Variants in CPE observed in about 807,000 individuals in gnomAD.
The protein encoded by CPE is carboxypeptidase E.
A neutral mutation model predicts 53.5 loss-of-function variants in CPE; 17 were observed. That is an observed-to-expected ratio of 0.32 (90% confidence interval 0.22 to 0.48). The LOEUF (loss-of-function observed/expected upper bound fraction) is 0.48. CPE is among the 20% of genes least tolerant of loss of function. CPE has a pLI of 0.99. For missense variants in CPE, 524 were observed against 614.7 expected, an observed-to-expected ratio of 0.85 and a Z score of 1.56; for synonymous variants, 226 against 228.8, an observed-to-expected ratio of 0.99 and a Z score of 0.11.
chr4:165,442,477 G>A (rs1301788464), intron 1 of CPE, among the ~76,000 whole-genome samples: 1 of 152,008 alleles, frequency 6.6e-6, no homozygotes. Context: ...CAACATACAG[G>A]AAGTTCATAC....
At chr4:165,414,475 G>A (rs919109402) in intron 1 of CPE, among the ~76,000 whole-genome samples, 1 of 152,148 alleles carries the variant, frequency 6.6e-6, no homozygotes, top group East Asian at 1.9e-4. Context: ...AGTTTCGAAT[G>A]TAAGAAAAAG....
At chr4:165,396,632 C>T (rs1403456663) in intron 1 of CPE, among the ~76,000 whole-genome samples, 1 of 149,462 alleles carries the variant, frequency 6.7e-6, no homozygotes, top group Non-Finnish European at 1.5e-5. Flanking sequence ...GATTGTGCCA[C>T]TGCACTCCAG....
At position 165,413,753 on chromosome 4, in the gene CPE, G is replaced by A. The variant is rs113553369; in HGVS notation, c.307+34225G>A. ...AGGGGACAACCAACACAGCTCAAGA[G>A]GTCACAGAAGATGTCATGTAAGCCT... On this transcript the variant is annotated intron_variant, in intron 1 of 8. Coordinates refer to ENST00000402744, the MANE Select transcript of CPE (RefSeq NM_001873.4). Among the ~76,000 whole-genome samples, 778 of 152,298 alleles carry A rather than the reference G, an allele frequency of 5.1e-3. 11 individuals are homozygous for A. The highest frequency in any genetic ancestry group is 0.018 in the African/African-American group (743 of 41,560).
In CPE at chr4:165,430,858, A is replaced by G. The variant is rs185697593; in HGVS notation, c.308-33532A>G. On this transcript the variant is annotated intron_variant, in intron 1 of 8. Transcript: ENST00000402744. ...AAGAATGCTGGCACAGTCCAGAGGA[A>G]ATGAATGATGGAATGGGACTCTGGA... Among the ~76,000 whole-genome samples the G allele has an allele frequency of 6.3e-4, 96 of 152,328 alleles. 1 individual carries two copies. The highest frequency in any genetic ancestry group is 7.7e-4 in the East Asian group (4 of 5,176).
At chr4:165,391,839 T>C (rs1289628262) in intron 1 of CPE, among the ~76,000 whole-genome samples, 1 of 152,032 alleles carries the variant, frequency 6.6e-6, no homozygotes, top group Non-Finnish European at 1.5e-5. Context: ...CAGGGAGTTA[T>C]AAGAGAGTGG....
intron 1 of CPE, among the ~76,000 whole-genome samples, chr4:165,442,203 C>T (rs1391436846): frequency 6.6e-6 from 1 of 151,772 alleles, no homozygotes; most frequent in Non-Finnish European, 1.5e-5. Flanking sequence ...CTACCATGCC[C>T]AGCTAATTTT....
intron 1 of CPE, among the ~76,000 whole-genome samples, chr4:165,455,308 T>C (rs1731882100): frequency 6.6e-6 from 1 of 152,198 alleles, no homozygotes; most frequent in Admixed American, 6.5e-5. Context: ...CTTAGACAAA[T>C]TTATCTTTCC....
intron 1 of CPE, among the ~76,000 whole-genome samples, chr4:165,407,297 G>A (rs544851585): frequency 1.5e-4 from 23 of 152,234 alleles, no homozygotes; most frequent in African/African-American, 4.8e-4. Flanking sequence ...GGTGTGAAGT[G>A]ATATTTTGAT....
chr4:165,455,803 C>T (rs1400285871), intron 1 of CPE, among the ~76,000 whole-genome samples: 1 of 152,142 alleles, frequency 6.6e-6, no homozygotes, highest in African/African-American at 2.4e-5. Flanking sequence ...CAGGCGCCCG[C>T]CACCACATCT....
chr4:165,439,792 G>A (rs1479117592), intron 1 of CPE, among the ~76,000 whole-genome samples: 2 of 152,078 alleles, frequency 1.3e-5, no homozygotes, highest in African/African-American at 4.8e-5. Context: ...GATTGGAAGA[G>A]GGGAGCAGTT....
At position 165,484,418 on chromosome 4, in the gene CPE, C is replaced by T. The variant is rs572029817; in HGVS notation, c.791-4C>T. The T allele has an allele frequency of 1.5e-5, 24 of 1,612,106 alleles. No individual in the cohort carries two copies. The highest frequency in any genetic ancestry group is 2.0e-5 in the Non-Finnish European group (23 of 1,178,756). The stretch of plus-strand genomic sequence containing the variant: ...TTCTTTAATCTTGTGGATTTGTTTT[C>T]TAGGTAGTGCTCACGAATACAGCTC... On this transcript the variant is annotated splice_polypyrimidine_tract_variant and splice_region_variant and intron_variant, in intron 4 of 8. Transcript: ENST00000402744.
intron 1 of CPE, among the ~76,000 whole-genome samples, chr4:165,459,195 A>G (rs567893577): frequency 6.6e-6 from 1 of 152,376 alleles, no homozygotes; most frequent in East Asian, 1.9e-4. Context: ...GGGCAAATTA[A>G]GAGTTACAAG....
chr4:165,498,474 C>G lies in CPE; in HGVS notation c.*864C>G, dbSNP rs1387644064. ...CTGTGTGCTAAGCACTGCATAGCCTCTATGTATGTTATTGTGGCAGGCAAA... is the reference window on the plus strand; with the variant it reads ...CTGTGTGCTAAGCACTGCATAGCCTGTATGTATGTTATTGTGGCAGGCAAA... On this transcript the variant is annotated 3_prime_UTR_variant, in exon 9 of 9. Coordinates refer to ENST00000402744, the MANE Select transcript of CPE (RefSeq NM_001873.4). 6.6e-6 allele frequency among the ~76,000 whole-genome samples: 1 copy of G among 152,140 alleles called. No individual in the cohort carries two copies. The highest frequency in any genetic ancestry group is 1.5e-5 in the Non-Finnish European group (1 of 68,038).
At chr4:165,439,126 GT>G (rs1446404340) in intron 1 of CPE, among the ~76,000 whole-genome samples, 1 of 152,134 alleles carries the variant, frequency 6.6e-6, no homozygotes, top group Non-Finnish European at 1.5e-5. Context: ...CATTTGCCTT[GT>G]TCATTGAAGA....
Position 165,405,340 on chromosome 4 carries a change from TC to T in CPE, c.307+25815del, listed in dbSNP as rs550898095. The T allele has an allele frequency of 4.4e-4, 626 of 1,428,462 alleles. 3 individuals carry two copies. The African/African-American group carries it at 7.4e-3, about 17-fold the overall frequency. 88.5% of individuals were successfully genotyped at this position (1,428,462 alleles called of 1,614,324 possible). Reference sequence around the variant, plus strand: ...TGCACAGGACCTGACCATGGTAGAGTCCCATCAAGGCCTTTGATTCTTTGGT... The same window carrying T: ...TGCACAGGACCTGACCATGGTAGAGTCCATCAAGGCCTTTGATTCTTTGGT... On this transcript the variant is annotated intron_variant, in intron 1 of 8. Coordinates refer to ENST00000402744, the MANE Select transcript of CPE (RefSeq NM_001873.4).
chr4:165,425,541 T>C (rs937129528), intron 1 of CPE, among the ~76,000 whole-genome samples: 1 of 152,144 alleles, frequency 6.6e-6, no homozygotes, highest in African/African-American at 2.4e-5. Flanking sequence ...CAGTTTTTAG[T>C]TGGATAAAAG....
intron 1 of CPE, among the ~76,000 whole-genome samples, chr4:165,448,418 G>A (rs1743921894): frequency 6.6e-6 from 1 of 152,176 alleles, no homozygotes; most frequent in Admixed American, 6.5e-5. Context: ...TGGCAGTCAA[G>A]TGGTGGAGCC....
At chr4:165,485,335 C>G (rs1236006942) in intron 5 of CPE, among the ~76,000 whole-genome samples, 1 of 151,924 alleles carries the variant, frequency 6.6e-6, no homozygotes, top group Non-Finnish European at 1.5e-5. Context: ...TTTCTATGGC[C>G]CACCTGGAAA....
At chr4:165,381,469 A>G (rs547177798) in intron 1 of CPE, 1 of 359,044 alleles carries the variant, frequency 2.8e-6, no homozygotes, top group Non-Finnish European at 5.5e-6. Flanking sequence ...TATTCTTCAT[A>G]CATTCAAAAT....
Sources: gnomAD v4.1 joint callset for allele counts (sites outside exome capture counted in the v4.1 genomes callset) on GRCh38, gnomAD v4.1.1 for gene constraint, MANE v1.5 for transcripts, NCBI Gene and HGNC (gene_info 2026-07-23, HGNC 2026-07-21) for gene names.